The following TTC38 variants were observed in gnomAD, a reference collection of about 807,000 sequenced individuals.
The protein encoded by TTC38 is tetratricopeptide repeat domain 38, also known as tetratricopeptide repeat protein 38.
A neutral mutation model predicts 64.2 loss-of-function variants in TTC38; 64 were observed. That is an observed-to-expected ratio of 1.00 (90% CI 0.81 to 1.23). TTC38 has a LOEUF of 1.23. Ranked by LOEUF, TTC38 falls within the 50% of genes most tolerant of loss-of-function variation. TTC38 has a pLI of 0.00. For missense variants in TTC38, 573 were observed against 615.5 expected, an observed-to-expected ratio of 0.93 and a Z score of 0.73; for synonymous variants, 254 against 249.3, an observed-to-expected ratio of 1.02 and a Z score of -0.18.
intron 5 of TTC38, among the ~76,000 whole-genome samples, chr22:46,277,605 C>CAAA (rs130643): frequency 4.5e-5 from 3 of 66,538 alleles, no homozygotes; most frequent in African/African-American, 1.1e-4. Flanking sequence ...ACTCTGTCTC[C>CAAA]AAAAAAAAAA....
chr22:46,291,745 A>G lies in TTC38; in HGVS notation c.1317-1046A>G, dbSNP rs1395922704. 6.6e-6 allele frequency among the ~76,000 whole-genome samples: 1 copy of G among 152,188 alleles called. No homozygotes were observed. Among genetic ancestry groups the G allele is most frequent in the Non-Finnish European group, 1.5e-5 (1 of 68,028 alleles). ...CAAGGCGGGTGGATCACCTGAGGTC[A>G]GGAGTTCAAGACCAGCCTGGCTAAT... is the stretch of plus-strand genomic sequence containing the variant. On this transcript the variant is annotated intron_variant, in intron 13 of 13. Coordinates refer to ENST00000381031, the MANE Select transcript of TTC38 (RefSeq NM_017931.4). This position sits in a 1 kb window ranked among gnomAD's most constrained non-coding sequence, Gnocchi z 4.6.
intron 10 of TTC38, among the ~76,000 whole-genome samples, chr22:46,287,718 C>G (rs1010589253): frequency 6.6e-6 from 1 of 152,214 alleles, no homozygotes; most frequent in African/African-American, 2.4e-5. Context: ...GGGCTAGGCC[C>G]TGGGTCAGCA....
intron 8 of TTC38, 51 bp from the exon 9 acceptor site, chr22:46,285,190 A>G: frequency 6.3e-7 from 1 of 1,576,276 alleles, no homozygotes; most frequent in South Asian, 1.1e-5. Context: ...ACGTGCCAGC[A>G]TTACACTTTG....
rs1429428706 is a variant in TTC38, at chr22:46,287,012, T to C, written c.835-61T>C. 2.7e-5 allele frequency: 37 copies of C among 1,382,086 alleles called. No individual in the cohort carries two copies. In the East Asian group the frequency reaches 3.9e-4, roughly 15 times the overall value. 85.6% of individuals were successfully genotyped at this position (1,382,086 alleles called of 1,614,324 possible). A position where few individuals can be genotyped will look rare whatever the true frequency, so the allele number is the denominator to read the frequency against. On this transcript the variant is annotated intron_variant, in intron 9 of 13. Transcript: ENST00000381031. ...CACCTGGACAGGCTGACCCTGGCTGTGCCTGCAGCCCCATCATCTGGGCCA... is the reference window on the plus strand; with the variant it reads ...CACCTGGACAGGCTGACCCTGGCTGCGCCTGCAGCCCCATCATCTGGGCCA...
At position 46,281,804 on chromosome 22, in the gene TTC38, A is replaced by G. The variant is rs1312887743; in HGVS notation, c.735+86A>G. 10 of 1,566,026 alleles carry G rather than the reference A, an allele frequency of 6.4e-6. No individual in the cohort carries two copies. The African/African-American group carries it at 8.1e-5, about 13-fold the overall frequency. Reference sequence around the variant, plus strand: ...CCAAGGCTTTATGGACAAGAGTTACAGGGCATGGCTTAATTCTCGGGGTTC... The same window carrying G: ...CCAAGGCTTTATGGACAAGAGTTACGGGGCATGGCTTAATTCTCGGGGTTC... On this transcript the variant is annotated intron_variant, in intron 7 of 13. Coordinates refer to ENST00000381031, the MANE Select transcript of TTC38 (RefSeq NM_017931.4). The surrounding 1 kb of genome is among the most constrained non-coding windows in gnomAD (Gnocchi z 5.2).
chr22:46,276,522 AC>A lies in TTC38; in HGVS notation c.539+1102del, dbSNP rs944342269. Among the ~76,000 whole-genome samples, 4 of 151,916 alleles carry A rather than the reference AC, an allele frequency of 2.6e-5. No homozygotes were observed. The highest frequency in any genetic ancestry group is 9.7e-5 in the African/African-American group (4 of 41,324). Reference sequence around the variant, plus strand: ...GTCAACATGGCAAGACTCTGTCTCTACAAAAAGAAAAAATAAATTAAAAAAG... The same window carrying A: ...GTCAACATGGCAAGACTCTGTCTCTAAAAAAGAAAAAATAAATTAAAAAAG... On this transcript the variant is annotated intron_variant, in intron 5 of 13. Coordinates refer to ENST00000381031, the MANE Select transcript of TTC38 (RefSeq NM_017931.4). The surrounding 1 kb of genome is among the most constrained non-coding windows in gnomAD (Gnocchi z 4.7).
chr22:46,277,038 T>TACACAC (rs758364134), intron 5 of TTC38, among the ~76,000 whole-genome samples: 6 of 101,466 alleles, frequency 5.9e-5, no homozygotes, highest in African/African-American at 1.7e-4. Flanking sequence ...ACAATACATA[T>TACACAC]ATATACATAC....
In TTC38 at chr22:46,282,430, C is replaced by CG. The variant is rs2077541864; in HGVS notation, c.735+716dup. On this transcript the variant is annotated intron_variant, in intron 7 of 13. Transcript: ENST00000381031. The surrounding 1 kb of genome is among the most constrained non-coding windows in gnomAD (Gnocchi z 4.4). The stretch of plus-strand genomic sequence containing the variant: ...GGTGGAGGTGGGCCCTCTGGACAGA[C>CG]GGGGCTGCATCAGGTGAGCCTATTG... 6.6e-6 allele frequency among the ~76,000 whole-genome samples: 1 copy of CG among 152,160 alleles called. No homozygotes were observed. The highest frequency in any genetic ancestry group is 2.1e-4 in the South Asian group (1 of 4,836).
At position 46,281,892 on chromosome 22, in the gene TTC38, T is replaced by G; in HGVS notation, c.735+174T>G. On this transcript the variant is annotated intron_variant, in intron 7 of 13. Transcript: ENST00000381031. The surrounding 1 kb of genome is among the most constrained non-coding windows in gnomAD (Gnocchi z 5.2). ...GCTGCTGAGCAGAATGCAATCAAGATTCCAGTCCCCACCCCAGGCCCATAC... is the reference window on the plus strand; with the variant it reads ...GCTGCTGAGCAGAATGCAATCAAGAGTCCAGTCCCCACCCCAGGCCCATAC... 1 of 839,696 alleles carries G rather than the reference T, an allele frequency of 1.2e-6. No homozygotes were observed. Among genetic ancestry groups the G allele is most frequent in the Admixed American group, 2.2e-5 (1 of 44,628 alleles). The allele number at this position is 839,696 out of a possible 1,614,324, so 52.0% of individuals were successfully genotyped here.
intron 2 of TTC38, 162 bp downstream of exon 2, chr22:46,268,753 C>T: frequency 1.5e-6 from 1 of 646,844 alleles, no homozygotes; most frequent in Non-Finnish European, 2.6e-6. Flanking sequence ...GGCGCTATTT[C>T]GGCTCACTGC....
At position 46,275,234 on chromosome 22, in the gene TTC38, T is replaced by G. The variant is rs1361009175; in HGVS notation, c.366-14T>G. ...TGTGTTCAGCGTTGGTGAGAAATCT[T>G]TCTCGGTTTCCAGGAACTTTCCGAA... On this transcript the variant is annotated splice_polypyrimidine_tract_variant and intron_variant, in intron 4 of 13. Coordinates refer to ENST00000381031, the MANE Select transcript of TTC38 (RefSeq NM_017931.4). This position sits in a 1 kb window ranked among gnomAD's most constrained non-coding sequence, Gnocchi z 4.5. The G allele has an allele frequency of 3.7e-6, 6 of 1,610,974 alleles. No individual in the cohort carries two copies. The highest frequency in any genetic ancestry group is 1.7e-5 in the Admixed American group (1 of 59,728).
At chr22:46,286,315 G>T (rs919694728) in intron 9 of TTC38, among the ~76,000 whole-genome samples, 5 of 152,096 alleles carry the variant, frequency 3.3e-5, no homozygotes, top group African/African-American at 1.2e-4. Context: ...AAAACACACA[G>T]TAAATTTCCC....
rs548045561 is a variant in TTC38, at chr22:46,291,442, G to T, written c.1317-1349G>T. On this transcript the variant is annotated intron_variant, in intron 13 of 13. Coordinates refer to ENST00000381031, the MANE Select transcript of TTC38 (RefSeq NM_017931.4). The surrounding 1 kb of genome is among the most constrained non-coding windows in gnomAD (Gnocchi z 4.6). ...CCGACTGCATTAGGAGACGTGGAGGGGGCCTTCTCTCCAAGTCCTGTCCTG... is the reference window on the plus strand; with the variant it reads ...CCGACTGCATTAGGAGACGTGGAGGTGGCCTTCTCTCCAAGTCCTGTCCTG... Among the ~76,000 whole-genome samples, 1 of 152,240 alleles carries T rather than the reference G, an allele frequency of 6.6e-6. No homozygotes were observed. Among genetic ancestry groups the T allele is most frequent in the South Asian group, 2.1e-4 (1 of 4,824 alleles).
rs1936871632 is a variant in TTC38, at chr22:46,270,504, AGTAAAGGACCAG to A, written c.112-1827_112-1816del. 6.6e-6 allele frequency among the ~76,000 whole-genome samples: 1 copy of A among 152,198 alleles called. No individual in the cohort carries two copies. Among genetic ancestry groups the A allele is most frequent in the South Asian group, 2.1e-4 (1 of 4,834 alleles). On this transcript the variant is annotated intron_variant, in intron 2 of 13. Coordinates refer to ENST00000381031, the MANE Select transcript of TTC38 (RefSeq NM_017931.4). The surrounding 1 kb of genome is among the most constrained non-coding windows in gnomAD (Gnocchi z 4.7). ...GGACTTTTTTTAAAACAGGCATTTG[AGTAAAGGACCAG>A]GTACAAATACAGCAAATTGTTAAAA... is the stretch of plus-strand genomic sequence containing the variant.
rs776821650 is a variant in TTC38, at chr22:46,292,888, A to G, written c.*4A>G. ...TACCGTCCACCTCATGCAGTGAGCC[A>G]GCCTGGCCGCCTCCACCCTGCAGAA... On this transcript the variant is annotated 3_prime_UTR_variant, in exon 14 of 14. Coordinates refer to ENST00000381031, the MANE Select transcript of TTC38 (RefSeq NM_017931.4). The surrounding 1 kb of genome is among the most constrained non-coding windows in gnomAD (Gnocchi z 6.5). 18 of 1,610,794 alleles carry G rather than the reference A, an allele frequency of 1.1e-5. No homozygotes were observed. The highest frequency in any genetic ancestry group is 1.2e-5 in the Non-Finnish European group (14 of 1,177,526).
At chr22:46,279,535 C>T (rs1029401347) in intron 6 of TTC38, among the ~76,000 whole-genome samples, 4 of 152,256 alleles carry the variant, frequency 2.6e-5, no homozygotes, top group African/African-American at 9.6e-5. Context: ...TTTCAGCTGC[C>T]TGCTCCAGGC....
chr22:46,269,088 G>GCCCCCC (rs58531030), intron 2 of TTC38: 2 of 355,176 alleles, frequency 5.6e-6, no homozygotes, highest in African/African-American at 4.5e-5. Flanking sequence ...ACATATCTCT[G>GCCCCCC]CCCCCCCCCC....
intron 11 of TTC38, 63 bp from the exon 12 acceptor site, chr22:46,289,339 C>T: frequency 2.6e-6 from 4 of 1,566,762 alleles, no homozygotes; most frequent in Non-Finnish European, 3.5e-6. Flanking sequence ...GAAGAAATGG[C>T]TCTGCCCTTC....
In TTC38 at chr22:46,272,705, G is replaced by T. The variant is rs1362336759; in HGVS notation, c.193+289G>T. ...CTCATTTCTCAGATGAGGAAACTGA[G>T]GGTTGGCAAGAGTAAGACTGTACTT... On this transcript the variant is annotated intron_variant, in intron 3 of 13. Coordinates refer to ENST00000381031, the MANE Select transcript of TTC38 (RefSeq NM_017931.4). The surrounding 1 kb of genome is among the most constrained non-coding windows in gnomAD (Gnocchi z 6.4). Among the ~76,000 whole-genome samples, 2 of 152,216 alleles carry T rather than the reference G, an allele frequency of 1.3e-5. No homozygotes were observed. Among genetic ancestry groups the T allele is most frequent in the African/African-American group, 2.4e-5 (1 of 41,454 alleles).
Sources: allele counts gnomAD v4.1 joint callset (sites outside exome capture counted in the v4.1 genomes callset), GRCh38; gene constraint gnomAD v4.1.1; non-coding constraint Gnocchi (gnomAD v3.1); transcripts MANE v1.5; gene names NCBI Gene and HGNC (gene_info 2026-07-23, HGNC 2026-07-21).